The following PKIG variants were observed in gnomAD, a reference collection of about 807,000 sequenced individuals.
The protein encoded by PKIG is cAMP-dependent protein kinase inhibitor gamma.
PKIG carries 1 observed loss-of-function variant against 6.8 expected under a neutral mutation model. The observed-to-expected ratio is 0.15, with a 90% CI of 0.05 to 0.69. The LOEUF (loss-of-function observed/expected upper bound fraction) is 0.69. Ranked by LOEUF, PKIG falls within the 30% of genes least tolerant of loss-of-function variation. The pLI is 0.82. For synonymous variants in PKIG, 39 were observed against 43.0 expected, an observed-to-expected ratio of 0.91 and a Z score of 0.36; for missense variants, 77 against 104.0, an observed-to-expected ratio of 0.74 and a Z score of 1.13.
chr20:44,592,609 A>C (rs11696518), intron 2 of PKIG, among the ~76,000 whole-genome samples: 9,117 of 152,258 alleles, frequency 0.06, 323 homozygotes, highest in African/African-American at 0.091. Flanking sequence ...CCGTGCATCC[A>C]GGGAAGCACA....
chr20:44,589,237 T>C (rs774665492), intron 1 of PKIG, among the ~76,000 whole-genome samples: 2 of 152,146 alleles, frequency 1.3e-5, no homozygotes, highest in Non-Finnish European at 2.9e-5. Context: ...GTCAGGTGGC[T>C]GAGAGTGGAT....
chr20:44,576,327 C>G (rs775763342), intron 1 of PKIG, among the ~76,000 whole-genome samples: 61 of 152,052 alleles, frequency 4.0e-4, no homozygotes, highest in Non-Finnish European at 4.7e-4. Flanking sequence ...GGTGGGGAAA[C>G]ACATGGAACG....
At chr20:44,565,554 A>G (rs2064803388) in intron 1 of PKIG, among the ~76,000 whole-genome samples, 1 of 152,226 alleles carries the variant, frequency 6.6e-6, no homozygotes, top group Non-Finnish European at 1.5e-5. Context: ...CACTGGTGAC[A>G]TCAGATACTG....
At chr20:44,606,108 G>C (rs921005743) in intron 2 of PKIG, among the ~76,000 whole-genome samples, 3 of 152,092 alleles carry the variant, frequency 2.0e-5, no homozygotes, top group Admixed American at 6.5e-5. Flanking sequence ...AAAAATACTA[G>C]TAACTCCTAA....
intron 1 of PKIG, among the ~76,000 whole-genome samples, chr20:44,547,872 A>G (rs1295491142): frequency 1.3e-5 from 2 of 151,936 alleles, no homozygotes; most frequent in African/African-American, 4.8e-5. Context: ...TTTAATGGAG[A>G]ACCCTGTTCT....
chr20:44,541,282 G>GT (rs936759607), intron 1 of PKIG, among the ~76,000 whole-genome samples: 2 of 152,026 alleles, frequency 1.3e-5, no homozygotes, highest in Non-Finnish European at 1.5e-5. Flanking sequence ...TAGACTATGG[G>GT]TTTTTTTGTT....
intron 1 of PKIG, among the ~76,000 whole-genome samples, chr20:44,542,326 T>C (rs2064569714): frequency 6.6e-6 from 1 of 152,134 alleles, no homozygotes. Flanking sequence ...AGGGGCTTAA[T>C]GAATGTGAGT....
chr20:44,576,704 A>C (rs941530908), intron 1 of PKIG, among the ~76,000 whole-genome samples: 1 of 152,182 alleles, frequency 6.6e-6, no homozygotes, highest in Admixed American at 6.5e-5. Flanking sequence ...GCAAAAATCA[A>C]TGAGTCCAAG....
intron 1 of PKIG, among the ~76,000 whole-genome samples, chr20:44,535,069 C>G (rs973638549): frequency 1.2e-4 from 19 of 152,120 alleles, no homozygotes; most frequent in Non-Finnish European, 2.4e-4. Flanking sequence ...AAAGCAATAG[C>G]TTTATGCAAA....
intron 1 of PKIG, among the ~76,000 whole-genome samples, chr20:44,584,520 G>A (rs2064973736): frequency 6.7e-6 from 1 of 150,298 alleles, no homozygotes; most frequent in South Asian, 2.1e-4. Flanking sequence ...AAAGACGTCA[G>A]ATCTTGAATT....
intron 1 of PKIG, among the ~76,000 whole-genome samples, chr20:44,539,319 T>C (rs1271636092): frequency 6.6e-6 from 1 of 152,154 alleles, no homozygotes; most frequent in Non-Finnish European, 1.5e-5. Flanking sequence ...ACCTGATTGA[T>C]GATCTCTTAA....
In PKIG at chr20:44,553,938, C is replaced by G. The variant is rs578012243; in HGVS notation, c.-241+21960C>G. On this transcript the variant is annotated intron_variant, in intron 1 of 4. Transcript: ENST00000372887. ...TGAAATGAGCTATGAGTCTTGGGGT[C>G]GAGAGAAGAGCTTGCCCTTGGAGAA... Among the ~76,000 whole-genome samples the G allele has an allele frequency of 1.7e-4, 26 of 151,538 alleles. No individual in the cohort carries two copies. The South Asian group carries it at 5.0e-3, about 29-fold the overall frequency.
At position 44,611,693 on chromosome 20, in the gene PKIG, G is replaced by GC. The variant is rs1307969857; in HGVS notation, c.-23-2841_-23-2840insC. Among the ~76,000 whole-genome samples, 4 of 150,990 alleles carry GC rather than the reference G, an allele frequency of 2.6e-5. No individual in the cohort carries two copies. In the South Asian group the frequency reaches 6.3e-4, roughly 24 times the overall value. The stretch of plus-strand genomic sequence containing the variant: ...CACCACGCCTGGCTAATTTTTGTTT[G>GC]TTTTTTTAGTAGAGAGGGGGTTTCA... On this transcript the variant is annotated intron_variant, in intron 2 of 3. Coordinates refer to ENST00000372886, the MANE Select transcript of PKIG (RefSeq NM_001281445.2).
At chr20:44,580,991 A>G (rs1705758772), upstream of PKIG, among the ~76,000 whole-genome samples, 2 of 152,172 alleles carry the variant, frequency 1.3e-5, no homozygotes, top group Admixed American at 1.3e-4. Context: ...AAGCAAGGAA[A>G]GCAGCCTCTC....
intron 2 of PKIG, among the ~76,000 whole-genome samples, chr20:44,612,420 C>T (rs2123471722): frequency 6.6e-6 from 1 of 152,244 alleles, no homozygotes; most frequent in African/African-American, 2.4e-5. Context: ...GGACTATGAA[C>T]TCCTAAAGTC....
At chr20:44,607,939 C>T (rs180828355) in intron 2 of PKIG, among the ~76,000 whole-genome samples, 10 of 152,158 alleles carry the variant, frequency 6.6e-5, no homozygotes, top group African/African-American at 1.7e-4. Flanking sequence ...ACCCACCCCC[C>T]GCCGCCTCGG....
At chr20:44,565,801 C>T (rs963612842) in intron 1 of PKIG, among the ~76,000 whole-genome samples, 17 of 152,180 alleles carry the variant, frequency 1.1e-4, no homozygotes, top group African/African-American at 3.4e-4. Flanking sequence ...ATTGCTCTGT[C>T]GCCCAGGCTG....
intron 1 of PKIG, among the ~76,000 whole-genome samples, chr20:44,542,209 G>A (rs1009027816): frequency 1.3e-5 from 2 of 152,178 alleles, no homozygotes; most frequent in Non-Finnish European, 2.9e-5. Context: ...GGGTTTCAGG[G>A]AGATCAGGGT....
At chr20:44,543,708 G>A (rs2064583579) in intron 1 of PKIG, among the ~76,000 whole-genome samples, 1 of 152,122 alleles carries the variant, frequency 6.6e-6, no homozygotes, top group South Asian at 2.1e-4. Flanking sequence ...CAAAATAGCT[G>A]CAGTAGGCCT....
Sources: gnomAD v4.1 joint callset for allele counts (sites outside exome capture counted in the v4.1 genomes callset) on GRCh38, gnomAD v4.1.1 for gene constraint, MANE v1.5 for transcripts, NCBI Gene and HGNC (gene_info 2026-07-23, HGNC 2026-07-21) for gene names.